Variants in CATSPERB observed in about 807,000 individuals in gnomAD.
CATSPERB encodes the protein catsper channel auxiliary subunit beta.
A neutral mutation model predicts 128.3 loss-of-function variants in CATSPERB; 93 were observed. That is an observed-to-expected ratio of 0.72 (90% CI 0.61 to 0.86). The LOEUF (loss-of-function observed/expected upper bound fraction) is 0.86. CATSPERB is among the 40% of genes least tolerant of loss of function. The pLI, the probability that CATSPERB is intolerant of heterozygous loss-of-function variation, is 0.00. For synonymous variants in CATSPERB, 381 were observed against 448.8 expected (o/e 0.85, Z 1.91); for missense variants, 1,153 against 1,329.5 (o/e 0.87, Z 2.06).
At position 91,612,012 on chromosome 14, in the gene CATSPERB, T is replaced by TTTTCTTTCTTTCTTTCTTTCTTTC. The variant is rs71120177; in HGVS notation, c.2401-1359_2401-1336dup. ...ATAAAATAACTTTGATTGTTTACTG[T>TTTTCTTTCTTTCTTTCTTTCTTTC]TTTCTTTCTTTCTTTCTTTCTTTCT... On this transcript the variant is annotated intron_variant, in intron 20 of 26. Transcript: ENST00000256343. Among the ~76,000 whole-genome samples the TTTTCTTTCTTTCTTTCTTTCTTTC allele has an allele frequency of 3.2e-4, 43 of 133,030 alleles. 1 individual carries two copies. The highest frequency in any genetic ancestry group is 7.9e-4 in the African/African-American group (27 of 34,274). 87.3% of individuals were successfully genotyped at this position (133,030 alleles called of 152,430 possible).
chr14:91,676,357 G>A (rs1333777617), intron 11 of CATSPERB, among the ~76,000 whole-genome samples: 3 of 152,084 alleles, frequency 2.0e-5, no homozygotes, highest in Admixed American at 1.3e-4. Flanking sequence ...GCTCACTAAA[G>A]GCCCCTGATT....
At chr14:91,675,847 T>C (rs1895183695) in intron 11 of CATSPERB, among the ~76,000 whole-genome samples, 1 of 152,194 alleles carries the variant, frequency 6.6e-6, no homozygotes, top group African/African-American at 2.4e-5. Flanking sequence ...GACCCCAAAG[T>C]ACTTCTCAGA....
intron 18 of CATSPERB, among the ~76,000 whole-genome samples, chr14:91,622,247 A>C (rs920103873): frequency 2.6e-5 from 4 of 152,194 alleles, no homozygotes; most frequent in African/African-American, 9.6e-5. Flanking sequence ...AAAGCCTTAA[A>C]AACCTAAAAT....
chr14:91,650,068 G>A (rs963656606), intron 15 of CATSPERB, among the ~76,000 whole-genome samples: 6 of 152,152 alleles, frequency 3.9e-5, no homozygotes, highest in South Asian at 4.1e-4. Flanking sequence ...ATTGAGACAC[G>A]TCTTATAATT....
intron 20 of CATSPERB, among the ~76,000 whole-genome samples, chr14:91,611,632 C>A (rs985073257): frequency 1.3e-5 from 2 of 151,734 alleles, no homozygotes; most frequent in Admixed American, 6.6e-5. Flanking sequence ...AACAAAAAAA[C>A]CAAAACCAAA....
chr14:91,607,069 T>TTG (rs1893719291), intron 22 of CATSPERB, among the ~76,000 whole-genome samples: 3 of 62,474 alleles, frequency 4.8e-5, no homozygotes, highest in Non-Finnish European at 8.4e-5. Flanking sequence ...CACTTCCTAA[T>TTG]TGTGTGTGTG....
At chr14:91,663,644 CAAAA>C (rs34498815) in intron 14 of CATSPERB, among the ~76,000 whole-genome samples, 5 of 86,774 alleles carry the variant, frequency 5.8e-5, no homozygotes, top group African/African-American at 4.8e-5. Context: ...GACTCCGTCT[CAAAA>C]AAAAAAAAAA....
intron 7 of CATSPERB, among the ~76,000 whole-genome samples, chr14:91,701,969 C>T (rs1174476895): frequency 6.6e-6 from 1 of 151,678 alleles, no homozygotes; most frequent in Non-Finnish European, 1.5e-5. Context: ...GTGAGAACTT[C>T]CTTTATTGCT....
At chr14:91,724,898 T>C (rs1031484278) in intron 3 of CATSPERB, among the ~76,000 whole-genome samples, 182 bp downstream of exon 3, 9 of 152,182 alleles carry the variant, frequency 5.9e-5, no homozygotes, top group African/African-American at 2.2e-4. Flanking sequence ...GTGAAGTATT[T>C]TACCTGCTCC....
Position 91,725,159 on chromosome 14 carries a change from T to C in CATSPERB, c.89A>G (p.Glu30Gly). ...SGIVYNKDDT[E>G]KRFACSNKGF... is the part of the protein sequence containing the mutation. ...TTTGTTAGAACATGCAAAGCGTTTC[T>C]CTGTATCATCTAAATAATAAAAAAA... Residue 30 changes from glutamate to glycine, a missense_variant, in exon 3 of 27, where the codon GAG becomes GGG. Physicochemically the swap from Glu to Gly is moderately conservative, Grantham distance 98. Coordinates refer to ENST00000256343, the MANE Select transcript of CATSPERB (RefSeq NM_024764.4). The C allele has an allele frequency of 6.6e-7, 1 of 1,525,190 alleles. No homozygotes were observed. The highest frequency in any genetic ancestry group is 1.4e-5 in the African/African-American group (1 of 71,830). The allele number at this position is 1,525,190 out of a possible 1,614,324, so 94.5% of individuals were successfully genotyped here.
At chr14:91,717,986 C>T (rs1895970752) in intron 5 of CATSPERB, among the ~76,000 whole-genome samples, 2 of 152,076 alleles carry the variant, frequency 1.3e-5, no homozygotes, top group Non-Finnish European at 2.9e-5. Flanking sequence ...TTCTAAAATC[C>T]TTAAGTTCTC....
intron 20 of CATSPERB, among the ~76,000 whole-genome samples, chr14:91,616,270 T>A (rs1051738324): frequency 6.6e-6 from 1 of 152,208 alleles, no homozygotes; most frequent in Non-Finnish European, 1.5e-5. Flanking sequence ...CACCAAAACT[T>A]ATCTTTCATC....
chr14:91,731,214 G>A (rs928014031), intron 1 of CATSPERB, among the ~76,000 whole-genome samples: 3 of 152,190 alleles, frequency 2.0e-5, no homozygotes, highest in Admixed American at 6.5e-5. Flanking sequence ...TGGTTTTAAT[G>A]TCAGCAAGCT....
At chr14:91,637,779 T>C (rs1894404023) in intron 16 of CATSPERB, among the ~76,000 whole-genome samples, 1 of 150,868 alleles carries the variant, frequency 6.6e-6, no homozygotes, top group Non-Finnish European at 1.5e-5. Flanking sequence ...GTCCTAAGTA[T>C]ACAAATACCT....
chr14:91,619,138 T>C (rs1893996809), intron 19 of CATSPERB, among the ~76,000 whole-genome samples: 2 of 152,102 alleles, frequency 1.3e-5, no homozygotes, highest in African/African-American at 4.8e-5. Flanking sequence ...TATAGAGAGA[T>C]TACAATGGAA....
At chr14:91,613,723 GT>G (rs1412902439) in intron 20 of CATSPERB, among the ~76,000 whole-genome samples, 12 of 152,308 alleles carry the variant, frequency 7.9e-5, no homozygotes, top group African/African-American at 2.6e-4. Flanking sequence ...TTAGGCCCTA[GT>G]TGGAGATAAC....
intron 5 of CATSPERB, among the ~76,000 whole-genome samples, chr14:91,713,908 C>G (rs186660974): frequency 3.2e-3 from 482 of 152,152 alleles, no homozygotes; most frequent in African/African-American, 0.011. Flanking sequence ...CCTAGGAAAC[C>G]TACTAGCCAA....
At chr14:91,632,510 A>G (rs1894297562) in intron 17 of CATSPERB, among the ~76,000 whole-genome samples, 1 of 152,220 alleles carries the variant, frequency 6.6e-6, no homozygotes, top group Admixed American at 6.5e-5. Context: ...TCAACTGATC[A>G]TGAAGATGTA....
At chr14:91,713,161 A>G (rs1011623162) in intron 5 of CATSPERB, among the ~76,000 whole-genome samples, 2 of 152,202 alleles carry the variant, frequency 1.3e-5, no homozygotes, top group African/African-American at 4.8e-5. Flanking sequence ...CATAGAAGAC[A>G]CATAAATAAA....
Sources: allele counts gnomAD v4.1 joint callset (sites outside exome capture counted in the v4.1 genomes callset), GRCh38; gene constraint gnomAD v4.1.1; transcripts MANE v1.5; gene names NCBI Gene and HGNC (gene_info 2026-07-23, HGNC 2026-07-21).